CYP7B1: variants seen among roughly 807,000 people sequenced by gnomAD.
CYP7B1 encodes the protein cytochrome P450 family 7 subfamily B member 1.
A neutral mutation model predicts 42.7 loss-of-function variants in CYP7B1; 29 were observed. That is an observed-to-expected ratio of 0.68 (90% CI 0.51 to 0.93). The LOEUF is 0.93. CYP7B1 is among the 40% of genes least tolerant of loss of function. CYP7B1 has a pLI of 0.00. For missense variants in CYP7B1, 655 were observed against 600.5 expected (o/e 1.09, Z -0.95); for synonymous variants, 235 against 218.2 (o/e 1.08, Z -0.68).
At chr8:64,663,674 C>T (rs1806233125) in intron 1 of CYP7B1, among the ~76,000 whole-genome samples, 1 of 152,232 alleles carries the variant, frequency 6.6e-6, no homozygotes, top group Admixed American at 6.5e-5. Flanking sequence ...CTTTCTGTCT[C>T]ACCTACCCTG....
intron 1 of CYP7B1, among the ~76,000 whole-genome samples, chr8:64,707,759 A>T (rs1173736298): frequency 1.3e-5 from 2 of 152,088 alleles, no homozygotes; most frequent in Non-Finnish European, 2.9e-5. Flanking sequence ...AATCAAACAA[A>T]ATTCTCTCTG....
chr8:64,683,372 T>C (rs1376188226), intron 1 of CYP7B1, among the ~76,000 whole-genome samples: 1 of 152,136 alleles, frequency 6.6e-6, no homozygotes, highest in Admixed American at 6.5e-5. Flanking sequence ...TCTTACTTAT[T>C]TGTGGGATCT....
intron 1 of CYP7B1, among the ~76,000 whole-genome samples, chr8:64,775,504 C>T (rs1804309645): frequency 1.3e-5 from 2 of 152,100 alleles, no homozygotes; most frequent in African/African-American, 4.8e-5. Context: ...TCCTTAGTTA[C>T]TAATGTATTA....
chr8:64,654,588 C>T (rs1806092541), intron 1 of CYP7B1, among the ~76,000 whole-genome samples: 1 of 152,156 alleles, frequency 6.6e-6, no homozygotes, highest in East Asian at 1.9e-4. Context: ...TTAAAATGAC[C>T]ATATCATCCA....
intron 1 of CYP7B1, among the ~76,000 whole-genome samples, chr8:64,748,751 A>G (rs1020502338): frequency 8.5e-5 from 13 of 152,116 alleles, no homozygotes; most frequent in Non-Finnish European, 1.5e-4. Flanking sequence ...CCTACATCCA[A>G]ATTTTATCTG....
intron 1 of CYP7B1, among the ~76,000 whole-genome samples, chr8:64,791,470 G>A (rs1340554307): frequency 2.0e-5 from 3 of 152,202 alleles, no homozygotes; most frequent in Non-Finnish European, 4.4e-5. Flanking sequence ...TATAAGAGGG[G>A]AGTGGAAATG....
rs530622662 is a variant in CYP7B1 at position 64,776,494 on chromosome 8, C to T, written c.122+21972G>A. Among the ~76,000 whole-genome samples the T allele has an allele frequency of 4.8e-4, 73 of 152,194 alleles. 1 individual carries two copies. Among genetic ancestry groups the T allele is most frequent in the African/African-American group, 1.5e-3 (61 of 41,548 alleles). On this transcript the variant is annotated intron_variant, in intron 1 of 5. Coordinates refer to ENST00000310193, the MANE Select transcript of CYP7B1 (RefSeq NM_004820.5). The stretch of plus-strand genomic sequence containing the variant: ...GAGATGTCCCACAAATTTGATTATC[C>T]TAAAATACTTTTAAACCCTCTTGCC...
intron 1 of CYP7B1, among the ~76,000 whole-genome samples, chr8:64,716,621 C>T (rs969899010): frequency 1.3e-4 from 20 of 152,134 alleles, no homozygotes; most frequent in Admixed American, 1.1e-3. Flanking sequence ...GCCTGAGACT[C>T]GCTTGAACCC....
chr8:64,681,885 C>A (rs1274594928), intron 1 of CYP7B1, among the ~76,000 whole-genome samples: 2 of 152,080 alleles, frequency 1.3e-5, no homozygotes, highest in East Asian at 1.9e-4. Context: ...ATTTGGGGGG[C>A]AGTTTGTTAC....
In CYP7B1 at chr8:64,596,693, A is replaced by T; in HGVS notation, c.1470T>A (p.Gly490=). ...AAACATCAGAATCTGGATACTGAAT[A>T]CCAAACAACAAGCGGCTGTAGTTTA... ...IGLNYSRLLF[G]IQYPDSDVLF... The change falls in exon 6 of 6, where the codon GGT becomes GGA. Residue 490 remains glycine, a synonymous_variant. Transcript: ENST00000310193. 8.1e-6 allele frequency: 13 copies of T among 1,613,600 alleles called. No homozygotes were observed. Among genetic ancestry groups the T allele is most frequent in the Non-Finnish European group, 1.1e-5 (13 of 1,179,806 alleles).
chr8:64,687,512 G>C (rs939317905), intron 1 of CYP7B1, among the ~76,000 whole-genome samples: 10 of 152,136 alleles, frequency 6.6e-5, no homozygotes, highest in Admixed American at 5.2e-4. Flanking sequence ...CTGATGAATT[G>C]TACACTTGGA....
At chr8:64,654,223 G>A (rs1036748117) in intron 1 of CYP7B1, among the ~76,000 whole-genome samples, 1 of 152,078 alleles carries the variant, frequency 6.6e-6, no homozygotes, top group Non-Finnish European at 1.5e-5. Flanking sequence ...AAGAGAAGAA[G>A]TCAAACTATC....
At chr8:64,657,117 ATC>A (rs1806132166) in intron 1 of CYP7B1, among the ~76,000 whole-genome samples, 1 of 4,648 alleles carries the variant, frequency 2.2e-4, no homozygotes, top group Admixed American at 2.0e-3. Flanking sequence ...GATCCCTCAG[ATC>A]AAGCTCCTCA....
At chr8:64,748,064 T>G (rs1056460684) in intron 1 of CYP7B1, among the ~76,000 whole-genome samples, 1 of 152,158 alleles carries the variant, frequency 6.6e-6, no homozygotes, top group African/African-American at 2.4e-5. Context: ...CGAGAAGATT[T>G]TTGAGCTTGC....
intron 1 of CYP7B1, among the ~76,000 whole-genome samples, chr8:64,759,395 A>G (rs558987902): frequency 6.6e-6 from 1 of 152,292 alleles, no homozygotes; most frequent in African/African-American, 2.4e-5. Flanking sequence ...GATGTTTATG[A>G]TTACTTAAAT....
At chr8:64,762,164 T>C (rs1166410826) in intron 1 of CYP7B1, among the ~76,000 whole-genome samples, 3 of 152,182 alleles carry the variant, frequency 2.0e-5, no homozygotes, top group African/African-American at 7.2e-5. Flanking sequence ...GTAGCTTTTT[T>C]TAGTGCACTA....
In CYP7B1 at chr8:64,596,446, T is replaced by C; in HGVS notation, c.*196A>G. ...CCCTTAAGTTGATTTTGATGTCCAT[T>C]TTCCTGCCACCATCCTGTTTTATAT... On this transcript the variant is annotated 3_prime_UTR_variant, in exon 6 of 6. Transcript: ENST00000310193. The C allele has an allele frequency of 1.8e-6, 1 of 551,462 alleles. No homozygotes were observed. The allele number at this position is 551,462 out of a possible 1,614,324, so 34.2% of individuals were successfully genotyped here. A position where few individuals can be genotyped will look rare whatever the true frequency, so the allele number is the denominator to read the frequency against.
chr8:64,738,582 T>C (rs1249703358), intron 1 of CYP7B1, among the ~76,000 whole-genome samples: 3 of 151,956 alleles, frequency 2.0e-5, no homozygotes, highest in African/African-American at 7.3e-5. Context: ...AAAACATAAT[T>C]TGGGTTCCTT....
rs766759427 is a variant in CYP7B1 at position 64,615,706 on chromosome 8, C to T, written c.835G>A (p.Asp279Asn). 5 of 1,613,410 alleles carry T rather than the reference C, an allele frequency of 3.1e-6. No homozygotes were observed. The Admixed American group carries it at 6.7e-5, about 22-fold the overall frequency. The stretch of plus-strand genomic sequence containing the variant: ...AAGTTCTTACCTCCTATTTCAAGGT[C>T]CTCGTGCACATAATATTTCTCCAGG... ...DVLEKYYVHE[D>N]LEIGAHHLGF... Residue 279 changes from aspartate (D) to asparagine (N), a missense_variant, in exon 3 of 6, where the codon GAC becomes AAC. Transcript: ENST00000310193.
Sources: allele counts gnomAD v4.1 joint callset (sites outside exome capture counted in the v4.1 genomes callset), GRCh38; gene constraint gnomAD v4.1.1; transcripts MANE v1.5; gene names NCBI Gene and HGNC (gene_info 2026-07-23, HGNC 2026-07-21).